Variants in CAMK1D observed in about 807,000 individuals in gnomAD.
The protein encoded by CAMK1D is calcium/calmodulin-dependent protein kinase type 1D.
In CAMK1D, 9 loss-of-function variants were observed where a neutral mutation model predicts 47.7. That is an observed-to-expected ratio of 0.19 (90% CI 0.11 to 0.33). The LOEUF is 0.33. Ranked by LOEUF, CAMK1D falls within the 10% of genes least tolerant of loss-of-function variation. The pLI, the probability that CAMK1D is intolerant of heterozygous loss-of-function variation, is 1.00. For synonymous variants in CAMK1D, 184 were observed against 184.9 expected (o/e 0.99, Z 0.04); for missense variants, 291 against 488.7 (o/e 0.60, Z 3.81).
Position 12,651,262 on chromosome 10 carries a change from G to A in CAMK1D, c.225-15474G>A, listed in dbSNP as rs147967721. 3.4e-3 allele frequency among the ~76,000 whole-genome samples: 520 copies of A among 152,288 alleles called. 2 individuals carry two copies. The highest frequency in any genetic ancestry group is 0.012 in the African/African-American group (480 of 41,548). On this transcript the variant is annotated intron_variant, in intron 2 of 10. Transcript: ENST00000619168. Reference sequence around the variant, plus strand: ...AAACACTGTGGGTCCAGCAACTGTGGGACTTTAAACTGGGCTTAAGGAAGG... The same window carrying A: ...AAACACTGTGGGTCCAGCAACTGTGAGACTTTAAACTGGGCTTAAGGAAGG...
intron 1 of CAMK1D, among the ~76,000 whole-genome samples, chr10:12,381,544 A>G (rs555730390): frequency 6.6e-6 from 1 of 152,094 alleles, no homozygotes; most frequent in Non-Finnish European, 1.5e-5. Context: ...CTTGTTGGCC[A>G]GGCTGGTCTG....
chr10:12,357,633 A>T (rs1837556585), intron 1 of CAMK1D, among the ~76,000 whole-genome samples: 1 of 152,118 alleles, frequency 6.6e-6, no homozygotes, highest in Non-Finnish European at 1.5e-5. Context: ...TTCTTTAATT[A>T]ATGAAGGAAC....
intron 3 of CAMK1D, among the ~76,000 whole-genome samples, chr10:12,711,120 T>C (rs1833920641): frequency 2.0e-5 from 3 of 152,216 alleles, no homozygotes; most frequent in Admixed American, 6.5e-5. Flanking sequence ...CTTAATCAAG[T>C]CTTCTGGCCC....
chr10:12,614,103 G>A (rs1042689089), intron 2 of CAMK1D, among the ~76,000 whole-genome samples: 2 of 152,078 alleles, frequency 1.3e-5, no homozygotes, highest in Admixed American at 1.3e-4. Flanking sequence ...AGACTGCCTT[G>A]ATTCTCACAC....
chr10:12,371,963 C>T (rs1356666043), intron 1 of CAMK1D, among the ~76,000 whole-genome samples: 4 of 152,068 alleles, frequency 2.6e-5, no homozygotes, highest in African/African-American at 7.2e-5. Flanking sequence ...CGTGGTGCCC[C>T]GGCTTAAAAA....
chr10:12,648,736 G>T (rs1462874509), intron 2 of CAMK1D, among the ~76,000 whole-genome samples: 1 of 152,128 alleles, frequency 6.6e-6, no homozygotes, highest in Non-Finnish European at 1.5e-5. Context: ...CTCCCGAAGT[G>T]CTGGGATTAC....
chr10:12,565,469 G>A (rs973625328), intron 2 of CAMK1D, among the ~76,000 whole-genome samples: 4 of 152,150 alleles, frequency 2.6e-5, no homozygotes, highest in Admixed American at 1.3e-4. Context: ...GGCCAGGCTG[G>A]TTTCGAACTC....
intron 1 of CAMK1D, among the ~76,000 whole-genome samples, chr10:12,421,786 T>G (rs1840059900): frequency 6.6e-6 from 1 of 150,848 alleles, no homozygotes; most frequent in Non-Finnish European, 1.5e-5. Context: ...GCCTTTGTGG[T>G]TTTTTTTCTA....
chr10:12,481,069 G>T (rs561034049), intron 1 of CAMK1D, among the ~76,000 whole-genome samples: 1 of 152,124 alleles, frequency 6.6e-6, no homozygotes, highest in South Asian at 2.1e-4. Flanking sequence ...CTAATGAAAG[G>T]CCACCAGGTT....
intron 1 of CAMK1D, among the ~76,000 whole-genome samples, chr10:12,541,886 C>CCTTCCTTT: frequency 7.6e-6 from 1 of 131,514 alleles, no homozygotes; most frequent in Admixed American, 7.6e-5. Context: ...TTCCTTCCTT[C>CCTTCCTTT]CTTTTTTTTT....
Position 12,541,643 on chromosome 10 carries a change from A to C in CAMK1D, c.93-11582A>C, listed in dbSNP as rs369655013. Among the ~76,000 whole-genome samples the C allele has an allele frequency of 2.4e-3, 365 of 152,246 alleles. 4 individuals carry two copies. Among genetic ancestry groups the C allele is most frequent in the African/African-American group, 8.3e-3 (346 of 41,544 alleles). On this transcript the variant is annotated intron_variant, in intron 1 of 10. Coordinates refer to ENST00000619168, the MANE Select transcript of CAMK1D (RefSeq NM_153498.4). ...CAAAAGTGCTGGGATTACAGGCGTG[A>C]GCCACTGCGCCCAGCTGACTTCACT...
intron 2 of CAMK1D, among the ~76,000 whole-genome samples, chr10:12,557,829 A>C (rs1836814143): frequency 6.6e-6 from 1 of 152,214 alleles, no homozygotes; most frequent in Admixed American, 6.5e-5. Flanking sequence ...GCCCATTGGA[A>C]AGACTGCCTG....
intron 5 of CAMK1D, among the ~76,000 whole-genome samples, chr10:12,784,488 G>A (rs1244795922): frequency 2.6e-5 from 4 of 151,750 alleles, no homozygotes; most frequent in Admixed American, 6.6e-5. Flanking sequence ...GTGAGCCACC[G>A]TGCCGGCCAG....
intron 4 of CAMK1D, among the ~76,000 whole-genome samples, chr10:12,764,797 T>C (rs1217713162): frequency 6.6e-6 from 1 of 152,098 alleles, no homozygotes; most frequent in Non-Finnish European, 1.5e-5. Flanking sequence ...GACTTTACTT[T>C]CTTTTAAAAC....
intron 1 of CAMK1D, among the ~76,000 whole-genome samples, chr10:12,389,007 G>A (rs1299057862): frequency 6.6e-6 from 1 of 152,166 alleles, no homozygotes; most frequent in Admixed American, 6.5e-5. Context: ...CGCAGCTGAT[G>A]GAGACACCAC....
intron 6 of CAMK1D, among the ~76,000 whole-genome samples, chr10:12,802,169 G>A (rs1838510608): frequency 6.6e-6 from 1 of 152,166 alleles, no homozygotes; most frequent in Non-Finnish European, 1.5e-5. Flanking sequence ...TTTCACAGGT[G>A]TTTAGAAAAT....
intron 3 of CAMK1D, among the ~76,000 whole-genome samples, chr10:12,756,726 A>G (rs1037731898): frequency 6.6e-5 from 10 of 152,192 alleles, no homozygotes; most frequent in African/African-American, 2.4e-4. Flanking sequence ...GAAGATCGAC[A>G]CCATCCTGGC....
At chr10:12,380,606 C>A (rs1191315586) in intron 1 of CAMK1D, among the ~76,000 whole-genome samples, 1 of 152,084 alleles carries the variant, frequency 6.6e-6, no homozygotes, top group East Asian at 1.9e-4. Flanking sequence ...GCCTGTAATC[C>A]CAGCACTTTG....
At chr10:12,782,996 GTT>G (rs869121653) in intron 5 of CAMK1D, among the ~76,000 whole-genome samples, 14 of 85,654 alleles carry the variant, frequency 1.6e-4, no homozygotes, top group African/African-American at 3.4e-4. Context: ...TTTTTTTTTT[GTT>G]TTTTTTTTTT....
Sources: allele counts gnomAD v4.1 joint callset (sites outside exome capture counted in the v4.1 genomes callset), GRCh38; gene constraint gnomAD v4.1.1; transcripts MANE v1.5; gene names NCBI Gene and HGNC (gene_info 2026-07-23, HGNC 2026-07-21).